The following SZT2 variants were observed in gnomAD, a reference collection of about 807,000 sequenced individuals.
SZT2 encodes KICSTOR complex protein SZT2.
Under a neutral mutation model 404.2 loss-of-function variants are expected in SZT2, and 216 were observed. That is an observed-to-expected ratio of 0.53 (90% CI 0.48 to 0.60). The LOEUF (loss-of-function observed/expected upper bound fraction) is 0.60. SZT2 is among the 20% of genes least tolerant of loss of function. SZT2 has a pLI of 0.00. For synonymous variants in SZT2, 1,693 were observed against 1,749.9 expected (o/e 0.97, Z 0.81); for missense variants, 3,857 against 4,459.2 (o/e 0.86, Z 3.85).
rs1653273033 is a variant in SZT2, at chr1:43,427,261, T to G, written c.3434-20T>G. 1 of 1,606,186 alleles carries G rather than the reference T, an allele frequency of 6.2e-7. No homozygotes were observed. The highest frequency in any genetic ancestry group is 8.5e-7 in the Non-Finnish European group (1 of 1,175,430). On this transcript the variant is annotated intron_variant, in intron 24 of 71. Coordinates refer to ENST00000634258, the MANE Select transcript of SZT2 (RefSeq NM_001365999.1). ...CACTGGCCCACCAGGCAGCTCTGAT[T>G]TATGTCTGATCCTCTTCAGATGTCC... is the stretch of plus-strand genomic sequence containing the variant.
Position 43,389,952 on chromosome 1 carries a change from C to T in SZT2, c.-17C>T, listed in dbSNP as rs367875183. 1.4e-6 allele frequency: 2 copies of T among 1,449,884 alleles called. No homozygotes were observed. Among genetic ancestry groups the T allele is most frequent in the Non-Finnish European group, 1.8e-6 (2 of 1,101,402 alleles). 89.8% of individuals were successfully genotyped at this position (1,449,884 alleles called of 1,614,324 possible). ...GAACACCCTCACTGGCCCGGGCCGG[C>T]GCGGGAGGGCTGTGTGATGGCCTCG... is the stretch of plus-strand genomic sequence containing the variant. On this transcript the variant is annotated 5_prime_UTR_variant, in exon 1 of 72. Coordinates refer to ENST00000634258, the MANE Select transcript of SZT2 (RefSeq NM_001365999.1).
At chr1:43,444,240 G>A (rs1370395712) in intron 62 of SZT2, among the ~76,000 whole-genome samples, 1 of 152,022 alleles carries the variant, frequency 6.6e-6, no homozygotes, top group Non-Finnish European at 1.5e-5. Flanking sequence ...GGGATTACAG[G>A]TGCACGCCAC....
Position 43,454,071 on chromosome 1 carries a change from C to T in SZT2, c.*3591C>T, listed in dbSNP as rs1258820658. On this transcript the variant is annotated 3_prime_UTR_variant, in exon 72 of 72. Coordinates refer to ENST00000634258, the MANE Select transcript of SZT2 (RefSeq NM_001365999.1). The stretch of plus-strand genomic sequence containing the variant: ...TGGAGAAGGTAGGGAGGCCGAGCTC[C>T]AGGGCCTGAGAGCCGGACGCGAAGC... The T allele has an allele frequency of 3.6e-6, 4 of 1,121,494 alleles. No individual in the cohort carries two copies. The highest frequency in any genetic ancestry group is 4.4e-6 in the Non-Finnish European group (4 of 918,260). 69.5% of individuals were successfully genotyped at this position (1,121,494 alleles called of 1,614,324 possible).
intron 7 of SZT2, among the ~76,000 whole-genome samples, chr1:43,417,818 A>G (rs1318215148): frequency 1.3e-5 from 2 of 152,164 alleles, no homozygotes; most frequent in African/African-American, 4.8e-5. Flanking sequence ...GTAATTGAGA[A>G]CAGAAGAGGG....
chr1:43,398,381 A>G (rs1467068768), intron 1 of SZT2, among the ~76,000 whole-genome samples: 1 of 152,226 alleles, frequency 6.6e-6, no homozygotes, highest in South Asian at 2.1e-4. Flanking sequence ...ACAGAGTGAT[A>G]AACAAATGAC....
rs941355672 is a variant in SZT2 at position 43,426,591 on chromosome 1, C to G, written c.3214+53C>G. The G allele has an allele frequency of 3.3e-6, 5 of 1,513,022 alleles. No individual in the cohort carries two copies. Among genetic ancestry groups the G allele is most frequent in the Non-Finnish European group, 1.8e-6 (2 of 1,127,740 alleles). The allele number at this position is 1,513,022 out of a possible 1,614,324, so 93.7% of individuals were successfully genotyped here. On this transcript the variant is annotated intron_variant, in intron 22 of 71. Coordinates refer to ENST00000634258, the MANE Select transcript of SZT2 (RefSeq NM_001365999.1). The surrounding 1 kb of genome is among the most constrained non-coding windows in gnomAD (Gnocchi z 4.9). Reference sequence around the variant, plus strand: ...AGACCCTGGCCCAGCCCTTTTCCCCCACCCTCACAGGGTGATTTCTGTCTT... The same window carrying G: ...AGACCCTGGCCCAGCCCTTTTCCCCGACCCTCACAGGGTGATTTCTGTCTT...
Position 43,443,358 on chromosome 1 carries a change from G to T in SZT2, c.8506G>T (p.Glu2836Ter). The change falls in exon 61 of 72, where the codon GAG becomes TAG. Residue 2836 changes from glutamate to a stop codon, truncating the protein, a stop_gained. Transcript: ENST00000634258. LOFTEE classifies it high-confidence loss of function. ...TPATMPISAG[E>*]LETLKQSSRL... is the part of the protein sequence containing the mutation. Reference sequence around the variant, plus strand: ...CACTGCCCTGTTTCCCCAGGCTGGAGAGCTGGAGACCCTGAAGCAGTCATC... The same window carrying T: ...CACTGCCCTGTTTCCCCAGGCTGGATAGCTGGAGACCCTGAAGCAGTCATC... 1 of 1,614,174 alleles carries T rather than the reference G, an allele frequency of 6.2e-7. No homozygotes were observed. The highest frequency in any genetic ancestry group is 2.2e-5 in the East Asian group (1 of 44,868).
chr1:43,437,730 C>T lies in SZT2; in HGVS notation c.6396+30C>T, dbSNP rs747567718. On this transcript the variant is annotated intron_variant, in intron 45 of 71. Coordinates refer to ENST00000634258, the MANE Select transcript of SZT2 (RefSeq NM_001365999.1). The surrounding 1 kb of genome is among the most constrained non-coding windows in gnomAD (Gnocchi z 5.3). ...GTATCACTCCCACTCTCTGATGCCC[C>T]TGTGTTCCTCTTGCACTTTGCTCTC... The T allele has an allele frequency of 1.9e-6, 3 of 1,614,076 alleles. No homozygotes were observed. Among genetic ancestry groups the T allele is most frequent in the Non-Finnish European group, 2.5e-6 (3 of 1,179,982 alleles).
intron 28 of SZT2, chr1:43,428,807 C>G (rs1653503194): frequency 3.5e-6 from 1 of 286,100 alleles, no homozygotes; most frequent in African/African-American, 2.1e-5. Flanking sequence ...TAGGAATCTC[C>G]CCAACCAATC....
Position 43,426,165 on chromosome 1 carries a change from G to A in SZT2, c.3043+14G>A, listed in dbSNP as rs1232382481. Reference sequence around the variant, plus strand: ...TGCTTGCCAGAGGTAGGTGAACCTGGTACCCTTTCACCCCACACCTAAAGG... The same window carrying A: ...TGCTTGCCAGAGGTAGGTGAACCTGATACCCTTTCACCCCACACCTAAAGG... On this transcript the variant is annotated intron_variant, in intron 21 of 71. Transcript: ENST00000634258. The surrounding 1 kb of genome is among the most constrained non-coding windows in gnomAD (Gnocchi z 4.9). 3 of 1,612,122 alleles carry A rather than the reference G, an allele frequency of 1.9e-6. No individual in the cohort carries two copies. Among genetic ancestry groups the A allele is most frequent in the Admixed American group, 1.7e-5 (1 of 59,970 alleles).
intron 61 of SZT2, 21 bp from the exon 62 acceptor site, chr1:43,443,575 TC>T: frequency 6.2e-7 from 1 of 1,613,910 alleles, no homozygotes; most frequent in Non-Finnish European, 8.5e-7. Context: ...GGGAGAGTCT[TC>T]CTTGATCTTT....
chr1:43,409,802 G>GTATTGTT (rs1650787566), intron 4 of SZT2: 2 of 167,396 alleles, frequency 1.2e-5, no homozygotes, highest in South Asian at 2.7e-4. Context: ...TCATGGATTG[G>GTATTGTT]AAGAATCAGT....
chr1:43,442,770 G>C lies in SZT2; in HGVS notation c.8152-49G>C. 1.3e-6 allele frequency: 2 copies of C among 1,545,788 alleles called. No individual in the cohort carries two copies. Among genetic ancestry groups the C allele is most frequent in the South Asian group, 2.5e-5 (2 of 80,332 alleles). On this transcript the variant is annotated intron_variant, in intron 58 of 71. Coordinates refer to ENST00000634258, the MANE Select transcript of SZT2 (RefSeq NM_001365999.1). The surrounding 1 kb of genome is among the most constrained non-coding windows in gnomAD (Gnocchi z 4.5). ...AGAGGAAGCCCTGGGATGAGAGAGA[G>C]GGTCCGAGGGCAAAGGCTATGAACC...
rs183998762 is a variant in SZT2, at chr1:43,422,897, T to C, written c.2037+14T>C. On this transcript the variant is annotated intron_variant, in intron 14 of 71. Transcript: ENST00000634258. Reference sequence around the variant, plus strand: ...GCCCGGCACAAGGTAAGCTGGGCCCTGACTGACTCTGACCAAGGAGCCCTA... The same window carrying C: ...GCCCGGCACAAGGTAAGCTGGGCCCCGACTGACTCTGACCAAGGAGCCCTA... The C allele has an allele frequency of 2.9e-5, 45 of 1,563,966 alleles. No individual in the cohort carries two copies. The Admixed American group carries it at 3.8e-4, about 13-fold the overall frequency.
In SZT2 at chr1:43,443,781, C is replaced by T. The variant is rs781435881; in HGVS notation, c.8810C>T (p.Pro2937Leu). 12 of 1,613,496 alleles carry T rather than the reference C, an allele frequency of 7.4e-6. No individual in the cohort carries two copies. The highest frequency in any genetic ancestry group is 4.4e-5 in the South Asian group (4 of 91,050). ...IGFVLVPLRP[P>L]SPARSTSRPR... ...TTTGTGCTGGTACCACTGCGGCCCC[C>T]CTCACCCGCCCGCAGGTGAGCCCGT... The change falls in exon 62 of 72, where the codon CCC becomes CTC. Residue 2937 changes from proline (P) to leucine (L), a missense_variant. Coordinates refer to ENST00000634258, the MANE Select transcript of SZT2 (RefSeq NM_001365999.1).
chr1:43,390,065 G>C (rs1018500306), intron 1 of SZT2, 70 bp downstream of exon 1: 74 of 1,369,624 alleles, frequency 5.4e-5, no homozygotes, highest in Non-Finnish European at 6.5e-5. Context: ...CAGGCGTGGC[G>C]TTGGCCTCCT....
intron 1 of SZT2, among the ~76,000 whole-genome samples, chr1:43,399,637 A>G (rs1649436728): frequency 6.6e-6 from 1 of 151,554 alleles, no homozygotes; most frequent in Non-Finnish European, 1.5e-5. Context: ...AATTTTTTGT[A>G]TTTTTAGTAG....
Position 43,448,456 on chromosome 1 carries a change from A to C in SZT2, c.9941A>C (p.Lys3314Thr). 1 of 1,610,796 alleles carries C rather than the reference A, an allele frequency of 6.2e-7. No homozygotes were observed. Among genetic ancestry groups the C allele is most frequent in the Non-Finnish European group, 8.5e-7 (1 of 1,178,908 alleles). ...LEELLEAVHA[K>T]SIGDIDPQLD... The stretch of plus-strand genomic sequence containing the variant: ...GAACTCCTAGAAGCAGTCCATGCCA[A>C]ATCCATTGGGGACATCGACCCCCAG... The change falls in exon 69 of 72, where the codon AAA becomes ACA. Residue 3314 changes from lysine to threonine, a missense_variant. Lys to Thr is a moderately conservative substitution (Grantham distance 78). This residue lies in a region of SZT2 where 717 missense variants were observed against 868.2 expected (regional missense o/e 0.83). Coordinates refer to ENST00000634258, the MANE Select transcript of SZT2 (RefSeq NM_001365999.1). This position sits in a 1 kb window ranked among gnomAD's most constrained non-coding sequence, Gnocchi z 4.2.
In SZT2 at chr1:43,415,956, G is replaced by C. The variant is rs775500797; in HGVS notation, c.631-4G>C. 3.1e-6 allele frequency: 5 copies of C among 1,595,742 alleles called. No individual in the cohort carries two copies. The highest frequency in any genetic ancestry group is 4.2e-6 in the Non-Finnish European group (5 of 1,178,694). Reference sequence around the variant, plus strand: ...CATTCTGTCTTTTCTGTAACTTGGGGCAGGCAGAAGACCAGTCCCCAGACT... The same window carrying C: ...CATTCTGTCTTTTCTGTAACTTGGGCCAGGCAGAAGACCAGTCCCCAGACT... On this transcript the variant is annotated splice_region_variant and splice_polypyrimidine_tract_variant and intron_variant, in intron 5 of 71. Coordinates refer to ENST00000634258, the MANE Select transcript of SZT2 (RefSeq NM_001365999.1).
Sources: allele counts gnomAD v4.1 joint callset (sites outside exome capture counted in the v4.1 genomes callset), GRCh38; gene constraint gnomAD v4.1.1; regional missense constraint gnomAD v4.1.1; non-coding constraint Gnocchi (gnomAD v3.1); transcripts MANE v1.5; gene names NCBI Gene and HGNC (gene_info 2026-07-23, HGNC 2026-07-21).